CDK8: variants seen among roughly 807,000 people sequenced by gnomAD.
CDK8 encodes cyclin-dependent kinase 8.
Under a neutral mutation model 71.5 loss-of-function variants are expected in CDK8, and 29 were observed. That is an observed-to-expected ratio of 0.41 (90% CI 0.30 to 0.55). The LOEUF is 0.55. Ranked by LOEUF, CDK8 falls within the 20% of genes least tolerant of loss-of-function variation. The probability of loss-of-function intolerance (pLI) is 0.37; values close to 1 mark genes in which losing one functional copy is unlikely to be tolerated. For missense variants in CDK8, 288 were observed against 572.6 expected, an observed-to-expected ratio of 0.50 and a Z score of 5.07; for synonymous variants, 161 against 192.1, an observed-to-expected ratio of 0.84 and a Z score of 1.34.
At chr13:26,330,256 A>G (rs1875248205) in intron 1 of CDK8, among the ~76,000 whole-genome samples, 2 of 152,092 alleles carry the variant, frequency 1.3e-5, no homozygotes, top group Non-Finnish European at 2.9e-5. Flanking sequence ...CCTAGGCTGG[A>G]GTGCAGTGGC....
intron 1 of CDK8, among the ~76,000 whole-genome samples, chr13:26,315,321 A>G (rs1268780376): frequency 6.6e-6 from 1 of 152,234 alleles, no homozygotes; most frequent in Non-Finnish European, 1.5e-5. Context: ...TTCATAGAAT[A>G]TATAACAACA....
intron 4 of CDK8, among the ~76,000 whole-genome samples, chr13:26,367,365 G>A (rs1874439219): frequency 6.6e-6 from 1 of 150,774 alleles, no homozygotes; most frequent in African/African-American, 2.4e-5. Flanking sequence ...AGAAAATCTT[G>A]GGTTATCTAT....
chr13:26,257,124 A>G (rs1871559296), intron 1 of CDK8, among the ~76,000 whole-genome samples: 1 of 152,200 alleles, frequency 6.6e-6, no homozygotes, highest in African/African-American at 2.4e-5. Flanking sequence ...GTATTGATTT[A>G]CTTTCAAATT....
Position 26,401,469 on chromosome 13 carries a change from AACCAGCAGCAGCAGC to A in CDK8, c.1116_1130del (p.Asn372_Gln377delinsLys). The A allele has an allele frequency of 6.2e-7, 1 of 1,614,142 alleles. No individual in the cohort carries two copies. Among genetic ancestry groups the A allele is most frequent in the Non-Finnish European group, 8.5e-7 (1 of 1,180,006 alleles). ...TTTTTCTGTTTAACCAATTGAGAAG[AACCAGCAGCAGCAGC>A]AGGGCAATAACCACACTAATGGAAC... On this transcript the variant is annotated inframe_deletion, in exon 12 of 13. Transcript: ENST00000381527. This position sits in a 1 kb window ranked among gnomAD's most constrained non-coding sequence, Gnocchi z 4.5.
chr13:26,271,445 G>C (rs534591737), intron 1 of CDK8, among the ~76,000 whole-genome samples: 1 of 152,296 alleles, frequency 6.6e-6, no homozygotes, highest in African/African-American at 2.4e-5. Flanking sequence ...TTGTAACACA[G>C]TGGTTAGTAT....
intron 4 of CDK8, among the ~76,000 whole-genome samples, chr13:26,367,118 T>C (rs1319101251): frequency 6.6e-6 from 1 of 152,164 alleles, no homozygotes; most frequent in African/African-American, 2.4e-5. Context: ...TACTCATCCT[T>C]TGGGCCCTCT....
intron 1 of CDK8, among the ~76,000 whole-genome samples, chr13:26,271,731 G>C (rs757504211): frequency 1.1e-4 from 17 of 149,176 alleles, no homozygotes; most frequent in Non-Finnish European, 2.2e-4. Context: ...GATTGCTTGA[G>C]TCCAGGAGCT....
chr13:26,403,922 C>T (rs750689491), intron 12 of CDK8, 34 bp from the exon 13 acceptor site: 49 of 1,605,572 alleles, frequency 3.1e-5, no homozygotes, highest in Non-Finnish European at 3.6e-5. Flanking sequence ...CCTAGAAGCA[C>T]CTGAATCACA....
chr13:26,269,706 A>G (rs1017296655), intron 1 of CDK8, among the ~76,000 whole-genome samples: 8 of 152,134 alleles, frequency 5.3e-5, no homozygotes, highest in African/African-American at 9.7e-5. Flanking sequence ...CTGTATTTCT[A>G]TTGCACTTTG....
intron 1 of CDK8, among the ~76,000 whole-genome samples, chr13:26,315,142 T>C (rs1301146598): frequency 6.6e-6 from 1 of 152,222 alleles, no homozygotes; most frequent in Non-Finnish European, 1.5e-5. Flanking sequence ...TTCTTTTGGC[T>C]TGAAAGCACT....
chr13:26,287,079 G>A (rs761119632), intron 1 of CDK8, among the ~76,000 whole-genome samples: 6 of 152,172 alleles, frequency 3.9e-5, no homozygotes, highest in Non-Finnish European at 7.4e-5. Context: ...ATGGAAAACA[G>A]TATGGAGATT....
At chr13:26,388,943 G>A (rs186840122) in intron 6 of CDK8, among the ~76,000 whole-genome samples, 188 of 152,298 alleles carry the variant, frequency 1.2e-3, no homozygotes, top group African/African-American at 4.5e-3. Context: ...TTACCCTGAA[G>A]AGATTTACAG....
intron 1 of CDK8, among the ~76,000 whole-genome samples, chr13:26,321,137 G>A (rs773934368): frequency 6.6e-6 from 1 of 152,054 alleles, no homozygotes; most frequent in Non-Finnish European, 1.5e-5. Context: ...GCTAAAACAG[G>A]GAAGCATCCT....
At chr13:26,367,956 G>C (rs773755866) in intron 4 of CDK8, among the ~76,000 whole-genome samples, 5 of 152,178 alleles carry the variant, frequency 3.3e-5, no homozygotes, top group Non-Finnish European at 7.3e-5. Context: ...ATTTGGCAGG[G>C]ATTCTGGACT....
chr13:26,310,843 A>C (rs1341438484), intron 1 of CDK8, among the ~76,000 whole-genome samples: 1 of 152,078 alleles, frequency 6.6e-6, no homozygotes, highest in African/African-American at 2.4e-5. Flanking sequence ...GGTCTTCTCA[A>C]AGTTACTTTG....
intron 1 of CDK8, among the ~76,000 whole-genome samples, chr13:26,325,362 T>C (rs765442966): frequency 2.0e-5 from 3 of 152,214 alleles, no homozygotes; most frequent in Non-Finnish European, 4.4e-5. Flanking sequence ...TAGAAAGTGC[T>C]CTTTCAGGTT....
intron 4 of CDK8, among the ~76,000 whole-genome samples, chr13:26,360,713 A>T (rs1874098415): frequency 6.6e-6 from 1 of 152,202 alleles, no homozygotes; most frequent in Admixed American, 6.5e-5. Flanking sequence ...GAATGAATGA[A>T]CTAGCTTACT....
chr13:26,347,046 A>G (rs1873488147), intron 2 of CDK8, among the ~76,000 whole-genome samples: 1 of 152,164 alleles, frequency 6.6e-6, no homozygotes. Context: ...AAGACATAGT[A>G]CTGGGCTTCA....
chr13:26,334,728 CTTAAA>C (rs1350113602), intron 1 of CDK8, among the ~76,000 whole-genome samples: 6 of 152,258 alleles, frequency 3.9e-5, no homozygotes, highest in Admixed American at 2.6e-4. Context: ...ATTAAATTGA[CTTAAA>C]TTAATTGATT....
Sources: allele counts gnomAD v4.1 joint callset (sites outside exome capture counted in the v4.1 genomes callset), GRCh38; gene constraint gnomAD v4.1.1; non-coding constraint Gnocchi (gnomAD v3.1); transcripts MANE v1.5; gene names NCBI Gene and HGNC (gene_info 2026-07-23, HGNC 2026-07-21).